Variants in PIK3R3 observed in about 807,000 individuals in gnomAD.
PIK3R3 encodes the protein phosphoinositide-3-kinase regulatory subunit 3.
PIK3R3 carries 64 observed loss-of-function variants against 62.9 expected under a neutral mutation model. The ratio of observed to expected loss-of-function variants is 1.02; its 90% CI spans 0.83 to 1.25. The LOEUF (loss-of-function observed/expected upper bound fraction) is 1.25. PIK3R3 is among the 50% of genes most tolerant of loss of function. The pLI, the probability that PIK3R3 is intolerant of heterozygous loss-of-function variation, is 0.00. For missense variants in PIK3R3, 614 were observed against 561.6 expected (o/e 1.09, Z -0.94); for synonymous variants, 165 against 189.0 (o/e 0.87, Z 1.04).
At chr1:46,074,520 A>C (rs1029264407) in intron 3 of PIK3R3, among the ~76,000 whole-genome samples, 3 of 151,944 alleles carry the variant, frequency 2.0e-5, no homozygotes, top group Non-Finnish European at 4.4e-5. Flanking sequence ...CTGGGACTCA[A>C]GTCTAGCTAT....
chr1:46,113,477 T>C (rs1653917439), intron 1 of PIK3R3, among the ~76,000 whole-genome samples: 1 of 151,554 alleles, frequency 6.6e-6, no homozygotes, highest in African/African-American at 2.4e-5. Flanking sequence ...TTTAAAGAGA[T>C]GGGGGTCTCA....
At position 46,055,781 on chromosome 1, in the gene PIK3R3, C is replaced by A; in HGVS notation, c.941+14G>T. On this transcript the variant is annotated intron_variant, in intron 7 of 9. Transcript: ENST00000262741. ...ACTAACGTCTCCCTCCCCATACACT[C>A]CCAGACTACTTACACAAGGTGTTGA... 6.4e-7 allele frequency: 1 copy of A among 1,564,818 alleles called. No homozygotes were observed. Among genetic ancestry groups the A allele is most frequent in the Non-Finnish European group, 8.7e-7 (1 of 1,154,658 alleles).
At chr1:46,111,202 ATAT>A (rs1424091319) in intron 1 of PIK3R3, among the ~76,000 whole-genome samples, 1 of 152,168 alleles carries the variant, frequency 6.6e-6, no homozygotes, top group Non-Finnish European at 1.5e-5. Flanking sequence ...GGGCACATAA[ATAT>A]TATAATTCTT....
At chr1:46,050,218 T>C (rs1647241898) in intron 7 of PIK3R3, among the ~76,000 whole-genome samples, 2 of 151,496 alleles carry the variant, frequency 1.3e-5, no homozygotes, top group South Asian at 2.1e-4. Flanking sequence ...GGATAACATA[T>C]ACAATACTTT....
the PIK3R3 span, among the ~76,000 whole-genome samples, chr1:46,146,048 A>G: frequency 1.3e-5 from 2 of 152,330 alleles, no homozygotes; most frequent in Non-Finnish European, 1.5e-5. Flanking sequence ...CCCTCTAGAC[A>G]TGGGGCCCAG....
chr1:46,100,902 T>C (rs2149441347), intron 1 of PIK3R3, among the ~76,000 whole-genome samples: 1 of 152,260 alleles, frequency 6.6e-6, no homozygotes, highest in East Asian at 1.9e-4. Context: ...AAATATATTT[T>C]GTAGGCCAGG....
chr1:46,139,894 G>C, the PIK3R3 span, among the ~76,000 whole-genome samples: 1 of 152,092 alleles, frequency 6.6e-6, no homozygotes, highest in Non-Finnish European at 1.5e-5. Context: ...CCTGACATAG[G>C]GGCATGTGGT....
At chr1:46,127,457 T>C (rs1219946249) in intron 1 of PIK3R3, among the ~76,000 whole-genome samples, 1 of 151,472 alleles carries the variant, frequency 6.6e-6, no homozygotes, top group Non-Finnish European at 1.5e-5. Context: ...AAAAAGGAAG[T>C]TATTTATTAC....
intron 1 of PIK3R3, among the ~76,000 whole-genome samples, chr1:46,083,497 A>G (rs1650792034): frequency 1.3e-5 from 2 of 152,234 alleles, no homozygotes; most frequent in Non-Finnish European, 2.9e-5. Context: ...TAGAAATGAT[A>G]AAATATATTT....
chr1:46,102,333 C>G (rs918223958), intron 1 of PIK3R3, among the ~76,000 whole-genome samples: 1 of 152,036 alleles, frequency 6.6e-6, no homozygotes, highest in Non-Finnish European at 1.5e-5. Flanking sequence ...TGAATTATAT[C>G]TCAATAAAGC....
the PIK3R3 span, among the ~76,000 whole-genome samples, chr1:46,174,170 G>A: frequency 2.0e-5 from 3 of 152,142 alleles, no homozygotes; most frequent in African/African-American, 7.2e-5. Context: ...CATGTGTGTG[G>A]TTGTTGCAGT....
At chr1:46,075,030 C>T (rs943891449) in intron 3 of PIK3R3, among the ~76,000 whole-genome samples, 1 of 152,190 alleles carries the variant, frequency 6.6e-6, no homozygotes, top group African/African-American at 2.4e-5. Context: ...AAACCCTGAG[C>T]TCACCCTTTT....
chr1:46,070,257 T>C (rs1336146354), intron 3 of PIK3R3, among the ~76,000 whole-genome samples: 1 of 152,202 alleles, frequency 6.6e-6, no homozygotes, highest in Non-Finnish European at 1.5e-5. Context: ...ATTAGAGGGA[T>C]GGGATGGGAT....
At chr1:46,092,820 T>TC (rs35808728) in intron 1 of PIK3R3, among the ~76,000 whole-genome samples, 108,415 of 151,678 alleles carry the variant, frequency 0.71, 38,867 homozygotes, top group African/African-American at 0.75. Context: ...TGGTCTTCAT[T>TC]TCTCTCTCTC....
At chr1:46,163,574 G>A in the PIK3R3 span, among the ~76,000 whole-genome samples, 1 of 152,210 alleles carries the variant, frequency 6.6e-6, no homozygotes, top group African/African-American at 2.4e-5. Flanking sequence ...CAGAAAACAA[G>A]ATGATGCTTC....
chr1:46,103,748 C>T (rs1308837972), intron 1 of PIK3R3, among the ~76,000 whole-genome samples: 1 of 151,550 alleles, frequency 6.6e-6, no homozygotes, highest in Non-Finnish European at 1.5e-5. Flanking sequence ...GTGCCTGCCA[C>T]CACGCCCAGC....
Position 46,055,833 on chromosome 1 carries a change from G to C in PIK3R3, c.903C>G (p.Asp301Glu). Reference sequence around the variant, plus strand: ...CTCGGATCTTTCGCAGCTGGATCAGGTCAGGTTTGATGCTATTCATTTTTT... The same window carrying C: ...CTCGGATCTTTCGCAGCTGGATCAGCTCAGGTTTGATGCTATTCATTTTTT... Reference protein sequence around the residue: ...IDKKMNSIKPDLIQLRKIRDQ... With the variant: ...IDKKMNSIKPELIQLRKIRDQ... Residue 301 changes from aspartate to glutamate, a missense_variant, in exon 7 of 10, where the codon GAC becomes GAG. By Grantham distance (45) the Asp-to-Glu change is conservative. Transcript: ENST00000262741. 7.0e-7 allele frequency: 1 copy of C among 1,432,762 alleles called. No homozygotes were observed. The highest frequency in any genetic ancestry group is 9.2e-7 in the Non-Finnish European group (1 of 1,085,182). The allele number at this position is 1,432,762 out of a possible 1,614,324, so 88.8% of individuals were successfully genotyped here.
At chr1:46,067,965 T>C (rs888679210) in intron 3 of PIK3R3, among the ~76,000 whole-genome samples, 4 of 152,256 alleles carry the variant, frequency 2.6e-5, no homozygotes, top group Non-Finnish European at 5.9e-5. Flanking sequence ...AGCAAAATGC[T>C]GTACCATTCC....
Position 46,043,410 on chromosome 1 carries a change from A to G in PIK3R3, c.*263T>C. Reference sequence around the variant, plus strand: ...TGAGGGTGTCTGGCTAAACAAAACAAAAACCCCAATGAAACAGACTTTCAA... The same window carrying G: ...TGAGGGTGTCTGGCTAAACAAAACAGAAACCCCAATGAAACAGACTTTCAA... On this transcript the variant is annotated 3_prime_UTR_variant, in exon 10 of 10. Coordinates refer to ENST00000262741, the MANE Select transcript of PIK3R3 (RefSeq NM_003629.4). 2.1e-6 allele frequency: 1 copy of G among 479,770 alleles called. No individual in the cohort carries two copies. Among genetic ancestry groups the G allele is most frequent in the Non-Finnish European group, 3.8e-6 (1 of 261,764 alleles). The allele number at this position is 479,770 out of a possible 1,614,324, so 29.7% of individuals were successfully genotyped here.
Sources: allele counts gnomAD v4.1 joint callset (sites outside exome capture counted in the v4.1 genomes callset), GRCh38; gene constraint gnomAD v4.1.1; transcripts MANE v1.5; gene names NCBI Gene and HGNC (gene_info 2026-07-23, HGNC 2026-07-21).